The following CDH18 variants were observed in gnomAD, a reference collection of about 807,000 sequenced individuals.
The protein encoded by CDH18 is cadherin-18.
A neutral mutation model predicts 67.9 loss-of-function variants in CDH18; 31 were observed. That is an observed-to-expected ratio of 0.46 (90% CI 0.34 to 0.62). The LOEUF (loss-of-function observed/expected upper bound fraction) is 0.62, where lower values mean the gene tolerates loss of function less well. Ranked by LOEUF, CDH18 falls within the 20% of genes least tolerant of loss-of-function variation. The probability of loss-of-function intolerance (pLI) is 0.01; values close to 1 mark genes in which losing one functional copy is unlikely to be tolerated. For missense variants in CDH18, 890 were observed against 975.5 expected (o/e 0.91, Z 1.17); for synonymous variants, 362 against 347.2 (o/e 1.04, Z -0.48).
chr5:19,994,031 G>C (rs1215489692), intron 2 of CDH18, among the ~76,000 whole-genome samples: 2 of 152,110 alleles, frequency 1.3e-5, no homozygotes, highest in African/African-American at 4.8e-5. Flanking sequence ...ACCTGTTGGA[G>C]AAAATGCTTT....
At chr5:20,474,852 A>G (rs1036801552) in intron 1 of CDH18, among the ~76,000 whole-genome samples, 1 of 152,166 alleles carries the variant, frequency 6.6e-6, no homozygotes, top group Non-Finnish European at 1.5e-5. Flanking sequence ...TTGCAACCAA[A>G]TAACCTCTAA....
Position 19,838,822 on chromosome 5 carries a change from C to T in CDH18, c.165G>A (p.Trp55Ter). Residue 55 changes from tryptophan (W) to a stop codon, truncating the protein, a stop_gained, in exon 3 of 13, where the codon TGG becomes TGA. Transcript: ENST00000382275. LOFTEE classifies it high-confidence loss of function. The part of the protein sequence containing the change: ...TEVHHRPKRG[W>*]VWNQFFVLEE... ...CTAAAACAAAGAACTGATTCCATAC[C>T]CATCCCCTTTTGGGACGATGATGGA... 2 of 1,613,964 alleles carry T rather than the reference C, an allele frequency of 1.2e-6. No homozygotes were observed. The highest frequency in any genetic ancestry group is 1.7e-5 in the Admixed American group (1 of 60,016).
At chr5:19,552,037 T>C (rs557039204) in intron 8 of CDH18, among the ~76,000 whole-genome samples, 1 of 152,232 alleles carries the variant, frequency 6.6e-6, no homozygotes, top group African/African-American at 2.4e-5. Context: ...CAACTGATAG[T>C]AGTCTTTCAC....
chr5:20,518,106 A>G (rs1755490717), intron 1 of CDH18, among the ~76,000 whole-genome samples: 1 of 152,088 alleles, frequency 6.6e-6, no homozygotes, highest in Non-Finnish European at 1.5e-5. Context: ...AAGAAACAAC[A>G]GAACTGACCC....
At chr5:19,531,088 A>G (rs1229123604) in intron 9 of CDH18, among the ~76,000 whole-genome samples, 3 of 152,142 alleles carry the variant, frequency 2.0e-5, no homozygotes, top group African/African-American at 4.8e-5. Flanking sequence ...CTATTTGGCC[A>G]TCTTGGCTCC....
chr5:20,100,488 C>T (rs1746362061), intron 2 of CDH18, among the ~76,000 whole-genome samples: 1 of 152,112 alleles, frequency 6.6e-6, no homozygotes, highest in Admixed American at 6.6e-5. Flanking sequence ...AATTTGTTTT[C>T]TACACCTGCA....
intron 9 of CDH18, among the ~76,000 whole-genome samples, chr5:19,534,549 A>G (rs1193983216): frequency 2.0e-5 from 3 of 152,214 alleles, no homozygotes; most frequent in Non-Finnish European, 4.4e-5. Flanking sequence ...GCAAACTCAT[A>G]GCTTAATTTA....
chr5:19,852,058 C>A (rs114147374), intron 2 of CDH18, among the ~76,000 whole-genome samples: 1 of 151,998 alleles, frequency 6.6e-6, no homozygotes, highest in African/African-American at 2.4e-5. Flanking sequence ...TGTATCATGT[C>A]AACTTCATAA....
intron 6 of CDH18, among the ~76,000 whole-genome samples, chr5:19,605,937 GT>G (rs778562080): frequency 6.6e-6 from 1 of 152,168 alleles, no homozygotes; most frequent in Non-Finnish European, 1.5e-5. Context: ...TGTGGTAATT[GT>G]AGACACATCC....
intron 2 of CDH18, among the ~76,000 whole-genome samples, chr5:20,008,302 T>C (rs2150411314): frequency 6.6e-6 from 1 of 152,266 alleles, no homozygotes; most frequent in Middle Eastern, 3.4e-3. Context: ...TCATGTTTGC[T>C]ATTTTGGGGC....
chr5:20,336,927 G>A (rs1232701000), intron 1 of CDH18, among the ~76,000 whole-genome samples: 2 of 151,948 alleles, frequency 1.3e-5, no homozygotes, highest in Admixed American at 6.6e-5. Context: ...GGCACTCATG[G>A]ATAATAACCA....
chr5:20,290,722 G>A (rs1747042467), intron 1 of CDH18, among the ~76,000 whole-genome samples: 1 of 152,172 alleles, frequency 6.6e-6, no homozygotes, highest in African/African-American at 2.4e-5. Flanking sequence ...GACAGCATGA[G>A]GAAGCATGGC....
chr5:20,305,010 G>A, intron 1 of CDH18: 2 of 1,613,426 alleles, frequency 1.2e-6, no homozygotes, highest in South Asian at 1.1e-5. Flanking sequence ...AAGCTTTACT[G>A]GAAGCAAGGC....
chr5:20,572,593 G>C (rs890573045), intron 1 of CDH18, among the ~76,000 whole-genome samples: 2 of 152,056 alleles, frequency 1.3e-5, no homozygotes, highest in Non-Finnish European at 2.9e-5. Flanking sequence ...TTTGTGTGGG[G>C]AGAAGAATAA....
At chr5:20,277,037 G>A (rs1012882881) in intron 1 of CDH18, among the ~76,000 whole-genome samples, 10 of 152,110 alleles carry the variant, frequency 6.6e-5, no homozygotes, top group Admixed American at 2.0e-4. Flanking sequence ...GGTTTCCAAC[G>A]TCAGGCCCTG....
chr5:19,535,661 A>G (rs1346939263), intron 9 of CDH18, among the ~76,000 whole-genome samples: 3 of 152,152 alleles, frequency 2.0e-5, no homozygotes, highest in Admixed American at 6.5e-5. Context: ...AGAAAAAAAT[A>G]ACTAAAAAGA....
intron 9 of CDH18, among the ~76,000 whole-genome samples, chr5:19,538,912 T>C (rs1749815576): frequency 6.6e-6 from 1 of 152,130 alleles, no homozygotes; most frequent in Non-Finnish European, 1.5e-5. Flanking sequence ...TCAGAAACGG[T>C]ACATTAAGAA....
At chr5:19,570,275 G>T (rs905429848) in intron 8 of CDH18, among the ~76,000 whole-genome samples, 1 of 152,046 alleles carries the variant, frequency 6.6e-6, no homozygotes, top group Non-Finnish European at 1.5e-5. Context: ...ACTGATTTCT[G>T]TAACTTGGTT....
At chr5:20,474,564 C>T (rs988836276) in intron 1 of CDH18, among the ~76,000 whole-genome samples, 1 of 148,908 alleles carries the variant, frequency 6.7e-6, no homozygotes, top group African/African-American at 2.5e-5. Context: ...ACAGAAAAAT[C>T]ATAGGGTTGG....
Sources: allele counts gnomAD v4.1 joint callset (sites outside exome capture counted in the v4.1 genomes callset), GRCh38; gene constraint gnomAD v4.1.1; transcripts MANE v1.5; gene names NCBI Gene and HGNC (gene_info 2026-07-23, HGNC 2026-07-21).